ADCK1: variants seen among roughly 807,000 people sequenced by gnomAD.
The protein encoded by ADCK1 is aarF domain containing kinase 1, also known as aarF domain-containing protein kinase 1.
Under a neutral mutation model 52.3 loss-of-function variants are expected in ADCK1, and 41 were observed. The observed-to-expected ratio is 0.78, with a 90% CI of 0.61 to 1.02. The LOEUF (loss-of-function observed/expected upper bound fraction) is 1.02, where lower values mean the gene tolerates loss of function less well. ADCK1 is among the 50% of genes least tolerant of loss of function. ADCK1 has a pLI of 0.00. For missense variants in ADCK1, 658 were observed against 679.5 expected (o/e 0.97, Z 0.35); for synonymous variants, 250 against 274.6 (o/e 0.91, Z 0.89).
intron 3 of ADCK1, among the ~76,000 whole-genome samples, chr14:77,825,881 C>T (rs893061334): frequency 4.6e-5 from 7 of 152,126 alleles, no homozygotes; most frequent in African/African-American, 9.7e-5. Context: ...TCCAGCTAAC[C>T]GGTGCTATGG....
intron 5 of ADCK1, among the ~76,000 whole-genome samples, chr14:77,895,807 C>A (rs2083397079): frequency 6.6e-6 from 1 of 152,098 alleles, no homozygotes; most frequent in Admixed American, 6.5e-5. Flanking sequence ...TTGGTGAACC[C>A]CTTGAATTAT....
chr14:77,927,104 T>C (rs528718861), intron 9 of ADCK1, among the ~76,000 whole-genome samples: 1 of 152,164 alleles, frequency 6.6e-6, no homozygotes, highest in Non-Finnish European at 1.5e-5. Context: ...CCTCATCACC[T>C]CTTTGAGCCT....
chr14:77,827,229 G>A lies in ADCK1; in HGVS notation c.219+4711G>A, dbSNP rs557571998. On this transcript the variant is annotated intron_variant, in intron 3 of 10. Transcript: ENST00000238561. ...TAGCTGGGCGTGGTGGTGGGCGCCT[G>A]TAGTCCCAGCTACTCGGGAGGCTGA... 1.1e-3 allele frequency among the ~76,000 whole-genome samples: 174 copies of A among 151,642 alleles called. 1 individual carries two copies. The highest frequency in any genetic ancestry group is 1.3e-3 in the Non-Finnish European group (86 of 67,974).
chr14:77,811,954 G>T (rs1271950755), intron 1 of ADCK1, among the ~76,000 whole-genome samples: 1 of 152,174 alleles, frequency 6.6e-6, no homozygotes, highest in Non-Finnish European at 1.5e-5. Flanking sequence ...ATGCTAGAAA[G>T]CAAGGTTTTA....
In ADCK1 at chr14:77,924,585, G is replaced by A; in HGVS notation, c.987G>A (p.Leu329=). 1 of 1,613,592 alleles carries A rather than the reference G, an allele frequency of 6.2e-7. No individual in the cohort carries two copies. The highest frequency in any genetic ancestry group is 1.3e-5 in the African/African-American group (1 of 75,080). ...HPGTGKAEIV[L]LDHGLYQMLT... ...GCACGGGAAAGGCGGAGATTGTCCT[G>A]TTGGACCATGGGCTTTACCAGGTAG... Residue 329 remains leucine (L), a synonymous_variant, in exon 8 of 11, where the codon CTG becomes CTA. Coordinates refer to ENST00000238561, the MANE Select transcript of ADCK1 (RefSeq NM_020421.4).
chr14:77,842,455 CCTTCCTTCCTTCCTT>C (rs2082091651), intron 3 of ADCK1, among the ~76,000 whole-genome samples: 1 of 43,850 alleles, frequency 2.3e-5, no homozygotes, highest in South Asian at 9.0e-4. Flanking sequence ...TTTTTTCCTT[CCTTCCTTCCTTCCTT>C]CCTTCCTTCC....
chr14:77,884,203 C>A (rs1260992823), intron 4 of ADCK1, among the ~76,000 whole-genome samples: 1 of 152,182 alleles, frequency 6.6e-6, no homozygotes, highest in Non-Finnish European at 1.5e-5. Flanking sequence ...GTCAGATGAC[C>A]CCCAAATCCC....
intron 4 of ADCK1, among the ~76,000 whole-genome samples, chr14:77,864,621 C>G (rs2082623201): frequency 6.8e-6 from 1 of 147,894 alleles, no homozygotes; most frequent in Non-Finnish European, 1.5e-5. Context: ...AGAAACAGAA[C>G]CAATAGGATA....
intron 3 of ADCK1, among the ~76,000 whole-genome samples, chr14:77,838,475 C>T (rs1481006376): frequency 1.3e-5 from 2 of 152,154 alleles, no homozygotes; most frequent in African/African-American, 4.8e-5. Flanking sequence ...TGGCTCACTG[C>T]AGCCTGGACT....
At chr14:77,857,532 A>G (rs777096350) in intron 3 of ADCK1, among the ~76,000 whole-genome samples, 15 of 152,098 alleles carry the variant, frequency 9.9e-5, no homozygotes, top group Admixed American at 7.9e-4. Context: ...TGCCTGCCCA[A>G]CACCCATACT....
intron 3 of ADCK1, among the ~76,000 whole-genome samples, chr14:77,848,192 C>G (rs1186227745): frequency 6.6e-6 from 1 of 152,132 alleles, no homozygotes; most frequent in Non-Finnish European, 1.5e-5. Flanking sequence ...GGCATGAGCC[C>G]CGGCCTGGAT....
intron 7 of ADCK1, among the ~76,000 whole-genome samples, chr14:77,911,215 C>T (rs1047523732): frequency 1.3e-5 from 2 of 152,320 alleles, no homozygotes; most frequent in South Asian, 2.1e-4. Context: ...TGCCCCGTAT[C>T]ACACAGCTAG....
intron 1 of ADCK1, among the ~76,000 whole-genome samples, chr14:77,801,340 C>G (rs2081105647): frequency 6.6e-6 from 1 of 152,228 alleles, no homozygotes; most frequent in South Asian, 2.1e-4. Context: ...AGCACTATCT[C>G]TTCACACCTG....
At chr14:77,826,379 G>T (rs556395668) in intron 3 of ADCK1, among the ~76,000 whole-genome samples, 1 of 152,112 alleles carries the variant, frequency 6.6e-6, no homozygotes, top group South Asian at 2.1e-4. Flanking sequence ...GGCTAGCTTC[G>T]GCAGGCGGTG....
intron 3 of ADCK1, among the ~76,000 whole-genome samples, chr14:77,836,815 C>G (rs572803725): frequency 7.9e-6 from 1 of 127,290 alleles, no homozygotes; most frequent in Admixed American, 9.5e-5. Flanking sequence ...GCTCTGTCAT[C>G]TAGACTGAAG....
chr14:77,848,649 A>G (rs1465895308), intron 3 of ADCK1, among the ~76,000 whole-genome samples: 1 of 151,726 alleles, frequency 6.6e-6, no homozygotes, highest in Non-Finnish European at 1.5e-5. Flanking sequence ...TATTTTTAAT[A>G]GAGATAGGGT....
At chr14:77,851,333 G>A (rs898405804) in intron 3 of ADCK1, among the ~76,000 whole-genome samples, 3 of 151,988 alleles carry the variant, frequency 2.0e-5, no homozygotes, top group Non-Finnish European at 2.9e-5. Flanking sequence ...GGTCAGGCTG[G>A]TCTTGAATTC....
Position 77,907,833 on chromosome 14 carries a change from G to A in ADCK1, c.772G>A (p.Glu258Lys). 2 of 1,614,094 alleles carry A rather than the reference G, an allele frequency of 1.2e-6. No homozygotes were observed. The highest frequency in any genetic ancestry group is 1.3e-5 in the African/African-American group (1 of 75,052). ...VPRIHWDLST[E>K]RVLLMEFVDG... ...CCGAATCCACTGGGACCTGTCCACG[G>A]AGCGGGTCCTCCTGATGGAGTTTGT... The change falls in exon 7 of 11, where the codon GAG (glutamate) becomes AAG (lysine). Residue 258 changes from glutamate to lysine, a missense_variant. Transcript: ENST00000238561.
intron 7 of ADCK1, among the ~76,000 whole-genome samples, chr14:77,915,300 A>T (rs1408632902): frequency 1.3e-5 from 2 of 151,480 alleles, no homozygotes; most frequent in African/African-American, 4.9e-5. Flanking sequence ...GTTATTTAAC[A>T]TTAGGTATAT....
Sources: gnomAD v4.1 joint callset for allele counts (sites outside exome capture counted in the v4.1 genomes callset) on GRCh38, gnomAD v4.1.1 for gene constraint, MANE v1.5 for transcripts, NCBI Gene and HGNC (gene_info 2026-07-23, HGNC 2026-07-21) for gene names.